The following TAF5L variants were observed in gnomAD, a reference collection of about 807,000 sequenced individuals.
TAF5L encodes TAF5-like RNA polymerase II p300/CBP-associated factor-associated factor 65 kDa subunit 5L.
Under a neutral mutation model 51.3 loss-of-function variants are expected in TAF5L, and 7 were observed. The ratio of observed to expected loss-of-function variants is 0.14; its 90% CI spans 0.08 to 0.26. The LOEUF is 0.26. Among genes scored for constraint, TAF5L ranks in the 10% least tolerant of loss-of-function variants. The pLI is 1.00. For missense variants in TAF5L, 575 were observed against 758.9 expected, an observed-to-expected ratio of 0.76 and a Z score of 2.85; for synonymous variants, 291 against 308.1, an observed-to-expected ratio of 0.94 and a Z score of 0.58.
Position 229,594,451 on chromosome 1 carries a change from A to G in TAF5L, c.1616T>C (p.Ile539Thr), listed in dbSNP as rs980144620. 3 of 1,614,020 alleles carry G rather than the reference A, an allele frequency of 1.9e-6. No homozygotes were observed. The African/African-American group carries it at 4.0e-5, about 22-fold the overall frequency. ...AGGTGCACTGCAGTAAGTGTTCCTG[A>G]TGTCCCAGACGCGCACCGAGTTGTC... The change falls in exon 5 of 5, where the codon ATC becomes ACC. Residue 539 changes from isoleucine to threonine, a missense_variant. By Grantham distance (89) the Ile-to-Thr change is moderately conservative. Around this residue, in one of 3 missense-constraint regions of TAF5L, gnomAD observed 91 missense variants for 96.9 expected, o/e 0.94. Transcript: ENST00000258281. The surrounding 1 kb of genome is among the most constrained non-coding windows in gnomAD (Gnocchi z 7.9).
chr1:229,620,870 A>C (rs1665173406), intron 1 of TAF5L, among the ~76,000 whole-genome samples: 1 of 152,216 alleles, frequency 6.6e-6, no homozygotes. Context: ...ATAAGGGATA[A>C]GACGTTTTCC....
chr1:229,619,978 C>T (rs1665144614), intron 1 of TAF5L, among the ~76,000 whole-genome samples: 2 of 152,094 alleles, frequency 1.3e-5, no homozygotes, highest in South Asian at 2.1e-4. Context: ...TTCCTTCTCC[C>T]GGTTTTCTTA....
rs571979557 is a variant in TAF5L, at chr1:229,598,111, C to T, written c.973-3017G>A. Among the ~76,000 whole-genome samples, 3 of 152,296 alleles carry T rather than the reference C, an allele frequency of 2.0e-5. No homozygotes were observed. In the East Asian group the frequency reaches 5.8e-4, roughly 29 times the overall value. ...GAGATGACAGCAGCCTGAACTAGAA[C>T]AGAAAAGTTGGATACTGGCTAGCAT... On this transcript the variant is annotated intron_variant, in intron 4 of 4. Transcript: ENST00000258281.
intron 3 of TAF5L, chr1:229,607,339 C>T (rs1433504977): frequency 1.0e-6 from 1 of 985,326 alleles, no homozygotes; most frequent in African/African-American, 1.7e-5. Flanking sequence ...CACAGTCAGT[C>T]TCCCTGCCAT....
At chr1:229,610,290 G>A in intron 2 of TAF5L, 80 bp from the exon 3 acceptor site, 1 of 1,339,594 alleles carries the variant, frequency 7.5e-7, no homozygotes, top group Non-Finnish European at 1.1e-6. Context: ...GATGGGTGAA[G>A]GAGGGTGTTG....
intron 4 of TAF5L, among the ~76,000 whole-genome samples, chr1:229,598,194 A>G (rs957274391): frequency 6.6e-6 from 1 of 152,208 alleles, no homozygotes; most frequent in East Asian, 1.9e-4. Context: ...CTTAGGACCA[A>G]AAGAGATGTA....
chr1:229,624,669 T>C (rs573282012), intron 1 of TAF5L, among the ~76,000 whole-genome samples: 3 of 152,258 alleles, frequency 2.0e-5, no homozygotes, highest in South Asian at 4.1e-4. Flanking sequence ...GAAACTACAG[T>C]TCAGAGAGGT....
chr1:229,612,523 T>A (rs1004640740), intron 2 of TAF5L, among the ~76,000 whole-genome samples: 5 of 152,206 alleles, frequency 3.3e-5, no homozygotes, highest in African/African-American at 1.2e-4. Flanking sequence ...ACCAAGGCCA[T>A]CATCTGGCCC....
intron 4 of TAF5L, among the ~76,000 whole-genome samples, chr1:229,596,414 T>G (rs1034187311): frequency 6.6e-6 from 1 of 152,214 alleles, no homozygotes; most frequent in Non-Finnish European, 1.5e-5. Context: ...TCCCCCTGCC[T>G]AGTGACCAGC....
At chr1:229,600,505 C>G (rs1379827461) in intron 4 of TAF5L, 1 of 985,320 alleles carries the variant, frequency 1.0e-6, no homozygotes, top group Non-Finnish European at 1.2e-6. Context: ...CTTGCTCTCC[C>G]TTATCCCCTA....
intron 1 of TAF5L, among the ~76,000 whole-genome samples, chr1:229,622,450 C>T (rs549908219): frequency 3.7e-4 from 57 of 152,178 alleles, no homozygotes; most frequent in African/African-American, 1.3e-3. Flanking sequence ...GGGAAGGCTG[C>T]CTGGTTTCTT....
At chr1:229,600,826 G>A in intron 4 of TAF5L, 1 of 985,226 alleles carries the variant, frequency 1.0e-6, no homozygotes. Context: ...GTTATCAGAT[G>A]TCATAATGCT....
At chr1:229,611,571 A>G (rs1260431678) in intron 2 of TAF5L, among the ~76,000 whole-genome samples, 1 of 152,148 alleles carries the variant, frequency 6.6e-6, no homozygotes, top group Non-Finnish European at 1.5e-5. Context: ...GCCTGCATGC[A>G]AGGGAGGGAC....
At chr1:229,606,991 T>C (rs1270098009) in intron 3 of TAF5L, 8 of 985,356 alleles carry the variant, frequency 8.1e-6, no homozygotes, top group Non-Finnish European at 9.6e-6. Flanking sequence ...CATCTCCATG[T>C]AGCTGATGCT....
intron 4 of TAF5L, chr1:229,601,737 C>T (rs972927390): frequency 2.7e-5 from 27 of 1,006,706 alleles, no homozygotes; most frequent in Admixed American, 1.6e-4. Context: ...AGTATTCTTA[C>T]TACTGTTGCT....
At chr1:229,593,955 C>T (rs996481671) in exon 5 of TAF5L, 9 of 239,676 alleles carry the variant, frequency 3.8e-5, no homozygotes, top group African/African-American at 6.8e-5. Context: ...GCTCTACAGC[C>T]GCCCTCTAAC....
In TAF5L at chr1:229,625,634, C is replaced by A. The variant is rs1435284499; in HGVS notation, c.-4+251G>T. Reference sequence around the variant, plus strand: ...AACGCGACGCCAGTCCAGGTGTAGCCGCCGACTGCAGGCCACGCCGCCGGC... The same window carrying A: ...AACGCGACGCCAGTCCAGGTGTAGCAGCCGACTGCAGGCCACGCCGCCGGC... On this transcript the variant is annotated intron_variant, in intron 1 of 4. Coordinates refer to ENST00000258281, the Ensembl canonical transcript of TAF5L. This position sits in a 1 kb window ranked among gnomAD's most constrained non-coding sequence, Gnocchi z 4.0. Among the ~76,000 whole-genome samples, 1 of 151,368 alleles carries A rather than the reference C, an allele frequency of 6.6e-6. No homozygotes were observed. Among genetic ancestry groups the A allele is most frequent in the Non-Finnish European group, 1.5e-5 (1 of 67,744 alleles).
At chr1:229,600,733 T>C (rs1389665394) in intron 4 of TAF5L, 11 of 985,316 alleles carry the variant, frequency 1.1e-5, no homozygotes, top group Non-Finnish European at 1.3e-5. Context: ...ACACTTCTGA[T>C]ACCCGGAAAT....
At chr1:229,603,954 G>A (rs570930266) in intron 3 of TAF5L, among the ~76,000 whole-genome samples, 1 of 152,352 alleles carries the variant, frequency 6.6e-6, no homozygotes, top group East Asian at 1.9e-4. Context: ...CCTGCTTGCA[G>A]TAGCAAGGTA....
Sources: allele counts gnomAD v4.1 joint callset (sites outside exome capture counted in the v4.1 genomes callset), GRCh38; gene constraint gnomAD v4.1.1; regional missense constraint gnomAD v4.1.1; non-coding constraint Gnocchi (gnomAD v3.1); transcripts MANE v1.5; gene names NCBI Gene and HGNC (gene_info 2026-07-23, HGNC 2026-07-21).